The following GHR variants were observed in gnomAD, a reference collection of about 807,000 sequenced individuals.
GHR encodes growth hormone receptor.
In GHR, 35 loss-of-function variants were observed where a neutral mutation model predicts 67.1. That is an observed-to-expected ratio of 0.52 (90% CI 0.40 to 0.69). GHR has a LOEUF of 0.69. Among genes scored for constraint, GHR ranks in the 30% least tolerant of loss-of-function variants. GHR has a pLI of 0.00. For missense variants in GHR, 792 were observed against 764.6 expected, an observed-to-expected ratio of 1.04 and a Z score of -0.42; for synonymous variants, 272 against 269.1, an observed-to-expected ratio of 1.01 and a Z score of -0.10.
In GHR at chr5:42,716,586, C is replaced by A. The variant is rs2910876; in HGVS notation, c.876-1466C>A. Among the ~76,000 whole-genome samples the A allele has an allele frequency of 2.0e-3, 308 of 152,246 alleles. 2 individuals are homozygous for A. The highest frequency in any genetic ancestry group is 7.0e-3 in the African/African-American group (290 of 41,542). ...TGGCCCACAGACCTTAATTTAGTGA[C>A]CCATAGTTTAGTGCAAAGTATATCC... On this transcript the variant is annotated intron_variant, in intron 8 of 9. Transcript: ENST00000230882.
chr5:42,467,187 A>G, intron 1 of GHR: 1 of 1,591,708 alleles, frequency 6.3e-7, no homozygotes, highest in South Asian at 1.1e-5. Flanking sequence ...AAGAGAGCTG[A>G]CTGAAGGCTT....
At chr5:42,500,571 C>CT (rs1388388783) in intron 1 of GHR, among the ~76,000 whole-genome samples, 10 of 152,302 alleles carry the variant, frequency 6.6e-5, no homozygotes, top group African/African-American at 2.4e-4. Flanking sequence ...ATGTGAAAAT[C>CT]TGATTTTTTC....
intron 1 of GHR, among the ~76,000 whole-genome samples, chr5:42,525,426 A>G (rs559836889): frequency 6.6e-6 from 1 of 152,276 alleles, no homozygotes; most frequent in Admixed American, 6.5e-5. Context: ...GAACAGCTGT[A>G]TTTACCCAAT....
rs556194855 is a variant in GHR at position 42,460,096 on chromosome 5, A to T, written c.-12+36141A>T. Among the ~76,000 whole-genome samples, 175 of 152,318 alleles carry T rather than the reference A, an allele frequency of 1.1e-3. 1 individual carries two copies. The highest frequency in any genetic ancestry group is 4.2e-3 in the African/African-American group (173 of 41,574). On this transcript the variant is annotated intron_variant, in intron 1 of 9. Coordinates refer to ENST00000230882, the MANE Select transcript of GHR (RefSeq NM_000163.5). ...GAGTTGGTGCTCTTACAAGAAGAGG[A>T]ACAGACACCCGAGTTCTCTCTCTTT...
chr5:42,544,485 A>G (rs1256346096), intron 1 of GHR, among the ~76,000 whole-genome samples: 1 of 152,188 alleles, frequency 6.6e-6, no homozygotes, highest in Non-Finnish European at 1.5e-5. Context: ...TCTCATAAAC[A>G]TTCTACCCTT....
At chr5:42,457,890 A>G (rs1483595720) in intron 1 of GHR, among the ~76,000 whole-genome samples, 1 of 152,226 alleles carries the variant, frequency 6.6e-6, no homozygotes, top group African/African-American at 2.4e-5. Context: ...TACTAGCCAC[A>G]TGAACCTACT....
intron 1 of GHR, among the ~76,000 whole-genome samples, chr5:42,501,923 C>A (rs1006823093): frequency 6.6e-6 from 1 of 152,178 alleles, no homozygotes; most frequent in African/African-American, 2.4e-5. Flanking sequence ...AGCCTCACAG[C>A]AGCTTTGTTC....
At chr5:42,531,820 A>G (rs985312744) in intron 1 of GHR, among the ~76,000 whole-genome samples, 5 of 152,030 alleles carry the variant, frequency 3.3e-5, no homozygotes, top group Non-Finnish European at 5.9e-5. Flanking sequence ...ACTAAACATG[A>G]CTCCATGGTA....
intron 1 of GHR, among the ~76,000 whole-genome samples, chr5:42,435,291 T>C (rs2111922811): frequency 6.6e-6 from 1 of 152,306 alleles, no homozygotes; most frequent in East Asian, 1.9e-4. Flanking sequence ...TTTTGACTTC[T>C]CTGTCAACGT....
At chr5:42,517,050 C>G (rs1747269482) in intron 1 of GHR, among the ~76,000 whole-genome samples, 1 of 152,162 alleles carries the variant, frequency 6.6e-6, no homozygotes, top group South Asian at 2.1e-4. Flanking sequence ...TGTTATAACA[C>G]TTAGTTTGGC....
At chr5:42,477,655 G>A (rs1024910729) in intron 1 of GHR, among the ~76,000 whole-genome samples, 1 of 152,118 alleles carries the variant, frequency 6.6e-6, no homozygotes, top group Admixed American at 6.5e-5. Flanking sequence ...ATTTTTTCAT[G>A]TGTTTTTTGG....
chr5:42,675,473 G>A (rs534144736), intron 3 of GHR, among the ~76,000 whole-genome samples: 69 of 152,182 alleles, frequency 4.5e-4, no homozygotes, highest in African/African-American at 1.5e-3. Flanking sequence ...ATAAGACAGA[G>A]GAGTGTATGA....
chr5:42,495,667 G>A (rs1006725367), intron 1 of GHR, among the ~76,000 whole-genome samples: 1 of 152,108 alleles, frequency 6.6e-6, no homozygotes, highest in Admixed American at 6.6e-5. Context: ...GGGTTGGATA[G>A]AGAGCTGTTT....
intron 3 of GHR, 108 bp from the exon 4 acceptor site, chr5:42,688,782 C>T (rs1382582320): frequency 7.9e-6 from 8 of 1,019,084 alleles, no homozygotes; most frequent in Non-Finnish European, 1.1e-5. Flanking sequence ...ACACGGAATA[C>T]ACTGGCTTCA....
At chr5:42,468,797 A>G in intron 1 of GHR, 1 of 1,063,644 alleles carries the variant, frequency 9.4e-7, no homozygotes, top group Non-Finnish European at 1.4e-6. Flanking sequence ...GGGTCCGATT[A>G]GTTGTCAAAT....
intron 2 of GHR, among the ~76,000 whole-genome samples, chr5:42,623,334 G>C (rs78139434): frequency 6.6e-6 from 1 of 152,082 alleles, no homozygotes; most frequent in Admixed American, 6.6e-5. Context: ...ACTGTGAGGC[G>C]CTCCACCCCA....
chr5:42,436,733 C>A (rs1216673089), intron 1 of GHR, among the ~76,000 whole-genome samples: 1 of 152,086 alleles, frequency 6.6e-6, no homozygotes, highest in Non-Finnish European at 1.5e-5. Flanking sequence ...ATAGTTACTG[C>A]TTTTTTAAGT....
intron 1 of GHR, among the ~76,000 whole-genome samples, chr5:42,513,782 CAAA>C: frequency 7.5e-6 from 1 of 133,480 alleles, no homozygotes; most frequent in African/African-American, 2.8e-5. Flanking sequence ...AACTCCGTCT[CAAA>C]AAAAAAAAGC....
rs369381267 is a variant in GHR at position 42,576,046 on chromosome 5, T to A, written c.70+10102T>A. Among the ~76,000 whole-genome samples, 288 of 55,918 alleles carry A rather than the reference T, an allele frequency of 5.2e-3. 11 individuals carry two copies. Among genetic ancestry groups the A allele is most frequent in the African/African-American group, 0.016 (240 of 14,640 alleles). The allele number at this position is 55,918 out of a possible 152,430, so 36.7% of individuals were successfully genotyped here. On this transcript the variant is annotated intron_variant, in intron 2 of 9. Transcript: ENST00000230882. ...AACACTCTGTCTCAGAAAATTAAAA[T>A]AATAAAATAAAATAAAATAAAATAA... is the stretch of plus-strand genomic sequence containing the variant.
Sources: allele counts gnomAD v4.1 joint callset (sites outside exome capture counted in the v4.1 genomes callset), GRCh38; gene constraint gnomAD v4.1.1; transcripts MANE v1.5; gene names NCBI Gene and HGNC (gene_info 2026-07-23, HGNC 2026-07-21).